GK5: variants seen among roughly 807,000 people sequenced by gnomAD.
The protein encoded by GK5 is glycerol kinase 5.
In GK5, 39 loss-of-function variants were observed where a neutral mutation model predicts 77.3. That is an observed-to-expected ratio of 0.50 (90% CI 0.39 to 0.66). The LOEUF (loss-of-function observed/expected upper bound fraction) is 0.66, where lower values mean the gene tolerates loss of function less well. GK5 is among the 30% of genes least tolerant of loss of function. The pLI, the probability that GK5 is intolerant of heterozygous loss-of-function variation, is 0.00. For missense variants in GK5, 487 were observed against 633.8 expected, an observed-to-expected ratio of 0.77 and a Z score of 2.49; for synonymous variants, 211 against 208.0, an observed-to-expected ratio of 1.01 and a Z score of -0.13.
Position 142,161,078 on chromosome 3 carries a change from CTTTTGTTTTTTTGT to C in GK5, c.*4530_*4543del, listed in dbSNP as rs71945392. 12,377 of 141,246 alleles carry C rather than the reference CTTTTGTTTTTTTGT, an allele frequency of 0.088. 642 individuals carry two copies. The highest frequency in any genetic ancestry group is 0.13 in the Non-Finnish European group (8,444 of 65,378). 8.7% of individuals were successfully genotyped at this position (141,246 alleles called of 1,614,324 possible). ...TAGCTCTCACTACAGAGTAGTTCTTCTTTTGTTTTTTTGTTTTTGTTTTTGTTTTTGTTTTTTTG... is the reference window on the plus strand; with the variant it reads ...TAGCTCTCACTACAGAGTAGTTCTTCTTTTGTTTTTGTTTTTGTTTTTTTG... On this transcript the variant is annotated 3_prime_UTR_variant, in exon 16 of 16. Transcript: ENST00000392993.
chr3:142,225,393 C>A lies in GK5; in HGVS notation c.63G>T (p.Val21=), dbSNP rs2064414023. The A allele has an allele frequency of 6.3e-7, 1 of 1,597,908 alleles. No homozygotes were observed. Among genetic ancestry groups the A allele is most frequent in the South Asian group, 1.1e-5 (1 of 87,914 alleles). ...CAGAACTGCCCACATCCAGCCCCAG[C>A]ACGAAGCCGGGGTACCGCGGCTCCT... The part of the protein sequence containing the change: ...RAQEPRYPGF[V]LGLDVGSSVI... The change falls in exon 1 of 16, where the codon GTG becomes GTT. Residue 21 remains valine (V), a synonymous_variant. Transcript: ENST00000392993.
intron 1 of GK5, among the ~76,000 whole-genome samples, chr3:142,219,839 C>A (rs2064318469): frequency 1.3e-5 from 2 of 152,056 alleles, no homozygotes. Context: ...TGTAGTGGCC[C>A]ACACCTGTAG....
chr3:142,209,279 T>C (rs2064158299), intron 3 of GK5, among the ~76,000 whole-genome samples: 1 of 152,194 alleles, frequency 6.6e-6, no homozygotes, highest in East Asian at 1.9e-4. Context: ...ATCAGAAGTA[T>C]GAACATTCCC....
rs904354904 is a variant in GK5, at chr3:142,202,479, G to A, written c.411+2216C>T. Among the ~76,000 whole-genome samples the A allele has an allele frequency of 1.3e-5, 2 of 152,220 alleles. 1 individual carries two copies. The highest frequency in any genetic ancestry group is 2.9e-5 in the Non-Finnish European group (2 of 68,044). ...AACTGGAAAGGGATGATTGCAAAGT[G>A]GGGCTCCTTCACTGCCAGGACAGGC... On this transcript the variant is annotated intron_variant, in intron 4 of 15. Coordinates refer to ENST00000392993, the MANE Select transcript of GK5 (RefSeq NM_001039547.3).
intron 5 of GK5, among the ~76,000 whole-genome samples, chr3:142,189,538 AGCACAAT>A (rs1448675545): frequency 6.6e-6 from 1 of 152,210 alleles, no homozygotes; most frequent in Non-Finnish European, 1.5e-5. Context: ...TTCAGTGAGT[AGCACAAT>A]GCCTGACAGG....
In GK5 at chr3:142,187,723, C is replaced by T; in HGVS notation, c.600G>A (p.Leu200=). The change falls in exon 6 of 16, where the codon TTG becomes TTA. Residue 200 remains leucine, a synonymous_variant. Coordinates refer to ENST00000392993, the MANE Select transcript of GK5 (RefSeq NM_001039547.3). ...NCCFGTIDTW[L]LYKLTKGSVY... is the part of the protein sequence containing the mutation. ...CTTTACCTTTTGTGAGCTTATATAA[C>T]AACCAGGTATCAATAGTCCCAAAGC... 1.2e-6 allele frequency: 2 copies of T among 1,610,410 alleles called. No homozygotes were observed. Among genetic ancestry groups the T allele is most frequent in the South Asian group, 1.1e-5 (1 of 90,190 alleles).
At chr3:142,200,301 G>A (rs1318626907) in intron 4 of GK5, among the ~76,000 whole-genome samples, 2 of 152,096 alleles carry the variant, frequency 1.3e-5, no homozygotes, top group Non-Finnish European at 2.9e-5. Flanking sequence ...CCAAGTAGCT[G>A]GGATTACAGG....
chr3:142,208,486 T>A (rs376830323), intron 3 of GK5, among the ~76,000 whole-genome samples: 1 of 152,314 alleles, frequency 6.6e-6, no homozygotes, highest in East Asian at 1.9e-4. Context: ...TAGGTAAGGG[T>A]CCAATTTAAT....
intron 10 of GK5, among the ~76,000 whole-genome samples, chr3:142,181,789 G>A (rs1287425035): frequency 6.6e-6 from 1 of 152,156 alleles, no homozygotes. Flanking sequence ...ACCTCAGAGA[G>A]CTACGAAATG....
chr3:142,218,184 T>C (rs2064298351), intron 1 of GK5, among the ~76,000 whole-genome samples: 1 of 146,694 alleles, frequency 6.8e-6, no homozygotes, highest in African/African-American at 2.5e-5. Context: ...GGAGAAAAGA[T>C]AGTTTTTTCA....
chr3:142,215,620 C>T lies in GK5; in HGVS notation c.220G>A (p.Val74Ile), dbSNP rs145590092. The change falls in exon 2 of 16, where the codon GTA (valine) becomes ATA (isoleucine). Residue 74 changes from valine to isoleucine, a missense_variant. Transcript: ENST00000392993. ...PDVLWIQFVA[V>I]IKEAVKAAGI... The stretch of plus-strand genomic sequence containing the variant: ...TTACCTTTGACTGCTTCTTTTATTA[C>T]GGCAACAAATTGAATCCAAAGAACA... 4.5e-5 allele frequency: 71 copies of T among 1,579,664 alleles called. No individual in the cohort carries two copies. Among genetic ancestry groups the T allele is most frequent in the South Asian group, 1.2e-4 (11 of 88,620 alleles).
At chr3:142,177,863 T>C (rs930510707) in intron 11 of GK5, among the ~76,000 whole-genome samples, 1 of 150,320 alleles carries the variant, frequency 6.7e-6, no homozygotes, top group Non-Finnish European at 1.5e-5. Context: ...TTTTCTTTTT[T>C]TTTTTTTTTT....
Position 142,206,189 on chromosome 3 carries a change from C to G in GK5, c.318-1401G>C, listed in dbSNP as rs186128730. On this transcript the variant is annotated intron_variant, in intron 3 of 15. Transcript: ENST00000392993. ...TTGGTACACACTTGGGTTGTTTGTA[C>G]TCTTTGGTTATCGTGATTACTGCTG... 2.9e-3 allele frequency among the ~76,000 whole-genome samples: 448 copies of G among 152,242 alleles called. 5 individuals carry two copies. Among genetic ancestry groups the G allele is most frequent in the African/African-American group, 8.5e-3 (352 of 41,544 alleles).
chr3:142,222,748 T>A (rs1017352431), intron 1 of GK5, among the ~76,000 whole-genome samples: 1 of 151,990 alleles, frequency 6.6e-6, no homozygotes, highest in African/African-American at 2.4e-5. Context: ...GGGGACAGAG[T>A]TAGAATCTGT....
At chr3:142,166,583 G>A (rs1011053837) in intron 15 of GK5, among the ~76,000 whole-genome samples, 10 of 152,238 alleles carry the variant, frequency 6.6e-5, no homozygotes, top group Non-Finnish European at 1.5e-4. Flanking sequence ...ACCCAGGCTG[G>A]AGTAGAGTGG....
rs2063402346 is a variant in GK5, at chr3:142,158,866, T to C, written c.*6756A>G. On this transcript the variant is annotated 3_prime_UTR_variant, in exon 16 of 16. Transcript: ENST00000392993. ...AATAAAGGTATCTTTGAAAATTTAC[T>C]ATTATACAGTATTAGTACCATACTC... 6.6e-6 allele frequency: 1 copy of C among 152,210 alleles called. No homozygotes were observed. The highest frequency in any genetic ancestry group is 2.4e-5 in the African/African-American group (1 of 41,454). 9.4% of individuals were successfully genotyped at this position (152,210 alleles called of 1,614,324 possible).
chr3:142,186,112 T>A, intron 8 of GK5, 82 bp downstream of exon 8: 3 of 1,164,178 alleles, frequency 2.6e-6, no homozygotes, highest in Admixed American at 3.7e-5. Flanking sequence ...CCTTCAAACA[T>A]GTAATAAAAT....
chr3:142,214,369 C>T (rs2064242409), intron 2 of GK5, among the ~76,000 whole-genome samples: 1 of 152,104 alleles, frequency 6.6e-6, no homozygotes, highest in African/African-American at 2.4e-5. Context: ...AGGATGCAAA[C>T]AAAAATATTG....
In GK5 at chr3:142,225,555, C is replaced by A; in HGVS notation, c.-100G>T. ...CCGGGCGGCCCAACCCGGGCCCCAA[C>A]CCGGCTCAGCCGGAGAGCCTAGAGA... is the stretch of plus-strand genomic sequence containing the variant. On this transcript the variant is annotated 5_prime_UTR_variant, in exon 1 of 16. Coordinates refer to ENST00000392993, the MANE Select transcript of GK5 (RefSeq NM_001039547.3). 7.0e-7 allele frequency: 1 copy of A among 1,433,450 alleles called. No individual in the cohort carries two copies. The highest frequency in any genetic ancestry group is 9.3e-7 in the Non-Finnish European group (1 of 1,076,846). The allele number at this position is 1,433,450 out of a possible 1,614,324, so 88.8% of individuals were successfully genotyped here.
Sources: allele counts gnomAD v4.1 joint callset (sites outside exome capture counted in the v4.1 genomes callset), GRCh38; gene constraint gnomAD v4.1.1; transcripts MANE v1.5; gene names NCBI Gene and HGNC (gene_info 2026-07-23, HGNC 2026-07-21).